Variants in DOCK4 observed in about 807,000 individuals in gnomAD.
The protein encoded by DOCK4 is dedicator of cytokinesis protein 4.
A neutral mutation model predicts 268.1 loss-of-function variants in DOCK4; 97 were observed. That is an observed-to-expected ratio of 0.36 (90% CI 0.31 to 0.43). DOCK4 has a LOEUF of 0.43. Among genes scored for constraint, DOCK4 ranks in the 20% least tolerant of loss-of-function variants. The probability of loss-of-function intolerance (pLI) is 1.00; values close to 1 mark genes in which losing one functional copy is unlikely to be tolerated. For missense variants in DOCK4, 2,145 were observed against 2,455.7 expected, an observed-to-expected ratio of 0.87 and a Z score of 2.67; for synonymous variants, 954 against 887.2, an observed-to-expected ratio of 1.08 and a Z score of -1.34.
In DOCK4 at chr7:111,728,335, GCCCCATTCTCCAGGT is replaced by G; in HGVS notation, c.5852_5866del (p.His1951_Ala1956delinsPro). 3 of 1,519,004 alleles carry G rather than the reference GCCCCATTCTCCAGGT, an allele frequency of 2.0e-6. No homozygotes were observed. The highest frequency in any genetic ancestry group is 2.6e-6 in the Non-Finnish European group (3 of 1,135,960). 94.1% of individuals were successfully genotyped at this position (1,519,004 alleles called of 1,614,324 possible). ...CCGCGGGCCGGGGTCAGTCCTCCGGGCCCCATTCTCCAGGTGGCTGGATCGCGCTGCCAGAGGCTT... is the reference window on the plus strand; with the variant it reads ...CCGCGGGCCGGGGTCAGTCCTCCGGGGGCTGGATCGCGCTGCCAGAGGCTT... On this transcript the variant is annotated inframe_deletion, in exon 53 of 53. Coordinates refer to ENST00000428084, the MANE Select transcript of DOCK4 (RefSeq NM_001363540.2).
At chr7:111,962,731 T>C (rs376914217) in intron 8 of DOCK4, among the ~76,000 whole-genome samples, 60 of 152,306 alleles carry the variant, frequency 3.9e-4, no homozygotes, top group African/African-American at 1.3e-3. Flanking sequence ...AAGGTAATTG[T>C]AGGCAATACA....
chr7:111,900,329 C>T (rs1220760248), intron 15 of DOCK4, 45 bp downstream of exon 15: 1 of 1,591,400 alleles, frequency 6.3e-7, no homozygotes, highest in Non-Finnish European at 8.6e-7. Context: ...AAGCAGGATA[C>T]TCCAGCACAA....
chr7:111,926,604 C>G (rs558368565), intron 12 of DOCK4, among the ~76,000 whole-genome samples: 1 of 148,412 alleles, frequency 6.7e-6, no homozygotes, highest in Non-Finnish European at 1.5e-5. Context: ...GGGCAGATCA[C>G]GAGGTCAGGA....
chr7:111,798,156 G>A (rs1800030615), intron 30 of DOCK4, among the ~76,000 whole-genome samples: 1 of 152,192 alleles, frequency 6.6e-6, no homozygotes. Flanking sequence ...CAGGCAGCAA[G>A]AAAAAGCCAC....
At chr7:111,882,604 A>G (rs1034719620) in intron 16 of DOCK4, among the ~76,000 whole-genome samples, 1 of 151,990 alleles carries the variant, frequency 6.6e-6, no homozygotes, top group African/African-American at 2.4e-5. Context: ...ATTATGTGTG[A>G]CTCACAATTT....
At chr7:112,001,130 T>C (rs1209751024) in intron 2 of DOCK4, among the ~76,000 whole-genome samples, 1 of 152,208 alleles carries the variant, frequency 6.6e-6, no homozygotes, top group Non-Finnish European at 1.5e-5. Context: ...ACTGGCACAT[T>C]TTCATCAGCA....
intron 1 of DOCK4, among the ~76,000 whole-genome samples, chr7:112,089,642 A>C (rs942285203): frequency 5.3e-5 from 8 of 152,120 alleles, no homozygotes; most frequent in African/African-American, 1.9e-4. Context: ...AGATGACTGG[A>C]TCATGGGGAT....
At chr7:112,068,587 A>T (rs971163135) in intron 1 of DOCK4, among the ~76,000 whole-genome samples, 1 of 152,240 alleles carries the variant, frequency 6.6e-6, no homozygotes, top group Non-Finnish European at 1.5e-5. Context: ...TTGCAAATGC[A>T]TATAAATTAT....
intron 1 of DOCK4, among the ~76,000 whole-genome samples, chr7:112,109,873 T>C (rs1488661412): frequency 6.6e-6 from 1 of 150,516 alleles, no homozygotes; most frequent in Non-Finnish European, 1.5e-5. Flanking sequence ...GCCTCCCAAG[T>C]AGCTGGGACT....
chr7:111,899,200 T>C (rs958216224), intron 15 of DOCK4, among the ~76,000 whole-genome samples: 1 of 152,242 alleles, frequency 6.6e-6, no homozygotes, highest in Non-Finnish European at 1.5e-5. Context: ...AAATATGCCA[T>C]AGTTCCAGCA....
intron 1 of DOCK4, among the ~76,000 whole-genome samples, chr7:112,032,952 C>T (rs1389979595): frequency 6.6e-6 from 1 of 152,064 alleles, no homozygotes; most frequent in African/African-American, 2.4e-5. Context: ...CATTAAAGTG[C>T]TAATTAATTT....
intron 11 of DOCK4, among the ~76,000 whole-genome samples, chr7:111,937,960 T>C (rs576577376): frequency 6.6e-6 from 1 of 152,314 alleles, no homozygotes; most frequent in African/African-American, 2.4e-5. Context: ...TCCTCACACA[T>C]AGTAAGCACA....
chr7:111,862,610 C>T (rs1411764182), intron 23 of DOCK4, among the ~76,000 whole-genome samples: 3 of 150,520 alleles, frequency 2.0e-5, no homozygotes, highest in Non-Finnish European at 4.4e-5. Flanking sequence ...CCCGCCTCAG[C>T]CTCCCGAGTA....
At chr7:111,828,908 G>A (rs10280872) in intron 26 of DOCK4, among the ~76,000 whole-genome samples, 2 of 142,586 alleles carry the variant, frequency 1.4e-5, no homozygotes, top group Non-Finnish European at 3.1e-5. Context: ...ATATATATAT[G>A]TATATATATA....
chr7:111,905,089 T>A (rs1476876041), intron 13 of DOCK4, among the ~76,000 whole-genome samples: 1 of 152,220 alleles, frequency 6.6e-6, no homozygotes, highest in African/African-American at 2.4e-5. Flanking sequence ...AGCTTGCTTA[T>A]GTTCCAATTT....
intron 23 of DOCK4, among the ~76,000 whole-genome samples, chr7:111,854,927 A>G (rs768477137): frequency 6.6e-6 from 1 of 152,234 alleles, no homozygotes; most frequent in Non-Finnish European, 1.5e-5. Context: ...GTGCTAGGTG[A>G]TTCAAGAAGC....
rs374420579 is a variant in DOCK4 at position 111,984,339 on chromosome 7, C to T, written c.516G>A (p.Pro172=). 269 of 1,613,078 alleles carry T rather than the reference C, an allele frequency of 1.7e-4. No individual in the cohort carries two copies. Among genetic ancestry groups the T allele is most frequent in the Non-Finnish European group, 2.1e-4 (252 of 1,179,552 alleles). Residue 172 remains proline, a synonymous_variant, in exon 7 of 53, where the codon CCG becomes CCA. Transcript: ENST00000428084. The part of the protein sequence containing the change: ...VPRKEYAMVD[P]EDISITELYR... ...AGAGCTCAGTAATGCTGATGTCTTC[C>T]GGATCCACCATTGCGTACTCTTTCC... is the stretch of plus-strand genomic sequence containing the variant.
intron 36 of DOCK4, among the ~76,000 whole-genome samples, chr7:111,770,603 T>A (rs546094194): frequency 6.6e-6 from 1 of 152,188 alleles, no homozygotes. Flanking sequence ...TATAGCCCAA[T>A]AGATCAAGAA....
intron 1 of DOCK4, among the ~76,000 whole-genome samples, chr7:112,183,816 C>A (rs537126622): frequency 6.6e-6 from 1 of 152,202 alleles, no homozygotes; most frequent in Non-Finnish European, 1.5e-5. Flanking sequence ...AATCCATGTG[C>A]GGTTTCCCAG....
Sources: allele counts gnomAD v4.1 joint callset (sites outside exome capture counted in the v4.1 genomes callset), GRCh38; gene constraint gnomAD v4.1.1; transcripts MANE v1.5; gene names NCBI Gene and HGNC (gene_info 2026-07-23, HGNC 2026-07-21).